Variants in LAMA3 observed in about 807,000 individuals in gnomAD.
LAMA3 encodes the protein laminin subunit alpha 3, also known as laminin subunit alpha-3.
A neutral mutation model predicts 402.0 loss-of-function variants in LAMA3; 281 were observed. The ratio of observed to expected loss-of-function variants is 0.70; its 90% CI spans 0.63 to 0.77. The LOEUF (loss-of-function observed/expected upper bound fraction) is 0.77, where lower values mean the gene tolerates loss of function less well. Among genes scored for constraint, LAMA3 ranks in the 30% least tolerant of loss-of-function variants. The pLI, the probability that LAMA3 is intolerant of heterozygous loss-of-function variation, is 0.00. For synonymous variants in LAMA3, 1,431 were observed against 1,558.4 expected (o/e 0.92, Z 1.93); for missense variants, 3,840 against 4,215.5 (o/e 0.91, Z 2.47).
chr18:23,859,973 A>G (rs1490567958), intron 34 of LAMA3, among the ~76,000 whole-genome samples: 2 of 152,152 alleles, frequency 1.3e-5, no homozygotes, highest in Non-Finnish European at 2.9e-5. Context: ...AGACACTATT[A>G]CCACATCAGA....
Position 23,847,684 on chromosome 18 carries a change from AG to A in LAMA3, c.4136+17del. On this transcript the variant is annotated intron_variant, in intron 32 of 74. Coordinates refer to ENST00000313654, the MANE Select transcript of LAMA3 (RefSeq NM_198129.4). Reference sequence around the variant, plus strand: ...GGCAGTGCAGGTGAGCTGGGGGAGTAGCCTGTCTGCTTCTGTCACAGGGAGG... The same window carrying A: ...GGCAGTGCAGGTGAGCTGGGGGAGTACCTGTCTGCTTCTGTCACAGGGAGG... 1 of 1,610,028 alleles carries A rather than the reference AG, an allele frequency of 6.2e-7. No individual in the cohort carries two copies. The highest frequency in any genetic ancestry group is 8.5e-7 in the Non-Finnish European group (1 of 1,178,366).
intron 12 of LAMA3, among the ~76,000 whole-genome samples, chr18:23,795,863 T>C (rs1419642773): frequency 6.6e-6 from 1 of 152,142 alleles, no homozygotes; most frequent in Non-Finnish European, 1.5e-5. Context: ...ATTCATATGT[T>C]GAAGCCCTAA....
At chr18:23,717,874 A>G (rs777819697) in intron 2 of LAMA3, among the ~76,000 whole-genome samples, 2 of 151,526 alleles carry the variant, frequency 1.3e-5, no homozygotes, top group Non-Finnish European at 2.9e-5. Flanking sequence ...TGGTCCACAG[A>G]CTTGATCTTA....
chr18:23,842,574 C>T lies in LAMA3; in HGVS notation c.3464-37C>T, dbSNP rs375458641. 151 of 1,614,204 alleles carry T rather than the reference C, an allele frequency of 9.4e-5. No homozygotes were observed. In the African/African-American group the frequency reaches 9.5e-4, roughly 10 times the overall value. ...CCTGCCTCAGGCTGAATCTACAGTC[C>T]GGTGCATGACAGAAAGTCTCTCTCT... On this transcript the variant is annotated intron_variant, in intron 28 of 74. Transcript: ENST00000313654.
chr18:23,944,076 G>A, intron 69 of LAMA3, 105 bp downstream of exon 69: 5 of 1,143,508 alleles, frequency 4.4e-6, no homozygotes, highest in Non-Finnish European at 5.1e-6. Flanking sequence ...AGGGCGTGGA[G>A]TGGGAGAGCT....
At chr18:23,779,835 TCA>T (rs2062400714) in intron 11 of LAMA3, among the ~76,000 whole-genome samples, 3 of 152,154 alleles carry the variant, frequency 2.0e-5, no homozygotes, top group Admixed American at 2.0e-4. Flanking sequence ...TAACAGGACC[TCA>T]GTTACCTTCC....
Position 23,784,032 on chromosome 18 carries a change from G to C in LAMA3, c.1478G>C (p.Cys493Ser). 6.2e-7 allele frequency: 1 copy of C among 1,614,124 alleles called. No individual in the cohort carries two copies. Among genetic ancestry groups the C allele is most frequent in the Non-Finnish European group, 8.5e-7 (1 of 1,180,008 alleles). Residue 493 changes from cysteine to serine, a missense_variant, in exon 12 of 75, where the codon TGT (cysteine) becomes TCT (serine). Physicochemically the swap from Cys to Ser is moderately radical, Grantham distance 112. This residue lies in a region of LAMA3 where 2,109 missense variants were observed against 2,376.0 expected (regional missense o/e 0.89). Transcript: ENST00000313654. ...PVAGDIKGCD[C>S]NLEGVLPEIC... ...TTCCTGTCTTCTGCAGGGTGTGACT[G>C]TAATCTGGAAGGTGTTCTCCCTGAA...
chr18:23,738,239 G>A (rs879354902), intron 2 of LAMA3, among the ~76,000 whole-genome samples: 1 of 151,838 alleles, frequency 6.6e-6, no homozygotes, highest in Non-Finnish European at 1.5e-5. Context: ...TGGAAGGAGA[G>A]GCGTTTTCTT....
intron 1 of LAMA3, among the ~76,000 whole-genome samples, chr18:23,696,503 T>C (rs2060687994): frequency 6.6e-6 from 1 of 151,998 alleles, no homozygotes; most frequent in South Asian, 2.1e-4. Context: ...GCAGGTGAAA[T>C]CCCCCTGTTT....
At chr18:23,822,490 T>C in intron 20 of LAMA3, 115 bp downstream of exon 20, 1 of 1,154,672 alleles carries the variant, frequency 8.7e-7, no homozygotes, top group Non-Finnish European at 1.3e-6. Flanking sequence ...GCCTGGCTCA[T>C]GGTCTGGTTA....
chr18:23,859,667 C>T (rs2064167759), intron 34 of LAMA3, among the ~76,000 whole-genome samples: 1 of 152,202 alleles, frequency 6.6e-6, no homozygotes, highest in African/African-American at 2.4e-5. Flanking sequence ...AGTTAGGGCG[C>T]ACCATCCTCC....
chr18:23,771,232 A>G (rs184581240), intron 8 of LAMA3, among the ~76,000 whole-genome samples: 45 of 152,370 alleles, frequency 3.0e-4, no homozygotes, highest in Non-Finnish European at 5.6e-4. Flanking sequence ...ACAGAGAGGA[A>G]GAAACTACTG....
At chr18:23,944,303 C>T (rs1376019064) in intron 69 of LAMA3, among the ~76,000 whole-genome samples, 1 of 152,206 alleles carries the variant, frequency 6.6e-6, no homozygotes, top group Non-Finnish European at 1.5e-5. Context: ...TTCCAGGCCT[C>T]CAGGCCCCTC....
intron 1 of LAMA3, chr18:23,710,231 C>T (rs1313415924): frequency 3.2e-6 from 2 of 618,782 alleles, no homozygotes; most frequent in African/African-American, 1.9e-5. Flanking sequence ...TCAAAACCTT[C>T]GTTTTGGCTT....
rs372838667 is a variant in LAMA3 at position 23,846,453 on chromosome 18, C to T, written c.3876C>T (p.Ile1292=). The change falls in exon 31 of 75, where the codon ATC becomes ATT. Residue 1292 remains isoleucine, a synonymous_variant. Transcript: ENST00000313654. ...GGQCPCQPNV[I]GRQCTRCATG... ...AGTGCCCATGCCAGCCCAACGTCAT[C>T]GGGCGGCAGTGCACCCGCTGTGCAA... 71 of 1,613,428 alleles carry T rather than the reference C, an allele frequency of 4.4e-5. No homozygotes were observed. The highest frequency in any genetic ancestry group is 4.7e-5 in the Non-Finnish European group (56 of 1,180,014).
At chr18:23,894,415 C>T (rs1174635978) in intron 43 of LAMA3, 67 bp downstream of exon 43, 2 of 1,304,756 alleles carry the variant, frequency 1.5e-6, no homozygotes, top group African/African-American at 2.9e-5. Flanking sequence ...ATGTGAGCAC[C>T]ATGCTGGGTC....
intron 23 of LAMA3, 34 bp from the exon 24 acceptor site, chr18:23,833,794 G>GCA: frequency 6.2e-7 from 1 of 1,611,322 alleles, no homozygotes. Context: ...TGTCACAGCT[G>GCA]GATCACAGTC....
chr18:23,744,863 C>T (rs1403878014), intron 2 of LAMA3, among the ~76,000 whole-genome samples: 2 of 132,542 alleles, frequency 1.5e-5, no homozygotes, highest in African/African-American at 6.1e-5. Flanking sequence ...AAAAATCAAA[C>T]GTTACCTAGA....
chr18:23,826,233 G>A (rs1011543131), intron 21 of LAMA3, among the ~76,000 whole-genome samples: 7 of 152,236 alleles, frequency 4.6e-5, no homozygotes, highest in Non-Finnish European at 8.8e-5. Context: ...GGGACAGGCA[G>A]TAGGCCAGTT....
Sources: gnomAD v4.1 joint callset for allele counts (sites outside exome capture counted in the v4.1 genomes callset) on GRCh38, gnomAD v4.1.1 for gene constraint, gnomAD v4.1.1 regional missense constraint, MANE v1.5 for transcripts, NCBI Gene and HGNC (gene_info 2026-07-23, HGNC 2026-07-21) for gene names.